Variants in ZNF804B observed in about 807,000 individuals in gnomAD.
The protein encoded by ZNF804B is zinc finger protein 804B, also known as zinc finger 804B.
Under a neutral mutation model 101.4 loss-of-function variants are expected in ZNF804B, and 80 were observed. The observed-to-expected ratio is 0.79, with a 90% confidence interval of 0.66 to 0.95. The LOEUF is 0.95. ZNF804B is among the 40% of genes least tolerant of loss of function. The pLI, the probability that ZNF804B is intolerant of heterozygous loss-of-function variation, is 0.00. For synonymous variants in ZNF804B, 622 were observed against 558.8 expected (o/e 1.11, Z -1.59); for missense variants, 1,673 against 1,561.9 (o/e 1.07, Z -1.20).
intron 1 of ZNF804B, among the ~76,000 whole-genome samples, chr7:88,773,857 A>G (rs573500962): frequency 6.6e-6 from 1 of 152,222 alleles, no homozygotes; most frequent in African/African-American, 2.4e-5. Context: ...CTGAGAACTC[A>G]TATCATGAGG....
At chr7:88,919,987 G>T (rs371904247) in intron 1 of ZNF804B, among the ~76,000 whole-genome samples, 2 of 152,018 alleles carry the variant, frequency 1.3e-5, no homozygotes, top group African/African-American at 4.8e-5. Context: ...TGCATATTAC[G>T]AGGGAGGCTT....
chr7:88,794,817 T>C (rs773044004), intron 1 of ZNF804B: 3 of 1,613,804 alleles, frequency 1.9e-6, no homozygotes, highest in African/African-American at 1.3e-5. Context: ...GGAATTTCTT[T>C]AGGTGTAGTC....
chr7:89,104,916 C>T (rs555695558), intron 1 of ZNF804B, among the ~76,000 whole-genome samples: 40 of 152,148 alleles, frequency 2.6e-4, no homozygotes, highest in South Asian at 8.3e-4. Flanking sequence ...CCTGAGTCAA[C>T]GCAAACATGT....
chr7:89,287,560 A>C (rs1790224311), intron 2 of ZNF804B, among the ~76,000 whole-genome samples: 1 of 152,174 alleles, frequency 6.6e-6, no homozygotes, highest in Non-Finnish European at 1.5e-5. Flanking sequence ...TAACGGATAA[A>C]CTATTTGTTG....
At chr7:89,255,307 A>T (rs1457218743) in intron 2 of ZNF804B, among the ~76,000 whole-genome samples, 2 of 152,182 alleles carry the variant, frequency 1.3e-5, no homozygotes, top group East Asian at 3.9e-4. Flanking sequence ...CCTGCCCTTG[A>T]CACATGGGGA....
intron 1 of ZNF804B, among the ~76,000 whole-genome samples, chr7:89,036,274 A>C (rs1788926235): frequency 6.6e-6 from 1 of 151,592 alleles, no homozygotes; most frequent in Admixed American, 6.6e-5. Context: ...AAAAGAGAAA[A>C]GAATATTACC....
chr7:88,899,121 TG>T (rs1702408839), intron 1 of ZNF804B, among the ~76,000 whole-genome samples: 1 of 152,144 alleles, frequency 6.6e-6, no homozygotes, highest in East Asian at 1.9e-4. Context: ...TTCTGATATT[TG>T]ATCAGTGTAA....
chr7:88,762,295 A>C (rs1397406996), intron 1 of ZNF804B, among the ~76,000 whole-genome samples: 1 of 152,166 alleles, frequency 6.6e-6, no homozygotes, highest in Admixed American at 6.5e-5. Flanking sequence ...ATAGTTTCTC[A>C]TGTGAGCTGG....
intron 2 of ZNF804B, among the ~76,000 whole-genome samples, chr7:89,296,901 T>C (rs1790392699): frequency 6.6e-6 from 1 of 152,094 alleles, no homozygotes; most frequent in Admixed American, 6.6e-5. Flanking sequence ...GGTTTTCATG[T>C]CAACTATTTT....
intron 1 of ZNF804B, among the ~76,000 whole-genome samples, chr7:88,770,592 T>G (rs1790047636): frequency 1.3e-5 from 2 of 152,370 alleles, no homozygotes; most frequent in South Asian, 4.1e-4. Flanking sequence ...TCACTCAACC[T>G]TAACATGGAT....
intron 1 of ZNF804B, among the ~76,000 whole-genome samples, chr7:88,763,967 T>C: frequency 6.6e-6 from 1 of 152,192 alleles, no homozygotes; most frequent in East Asian, 1.9e-4. Context: ...TAATTAAATT[T>C]AATAACTTAA....
At chr7:89,148,278 C>T (rs1160568719) in intron 1 of ZNF804B, among the ~76,000 whole-genome samples, 2 of 152,046 alleles carry the variant, frequency 1.3e-5, no homozygotes, top group Non-Finnish European at 2.9e-5. Context: ...ACACATAGTA[C>T]TCTTCCAAAA....
At chr7:88,768,448 T>G (rs1403877182) in intron 1 of ZNF804B, among the ~76,000 whole-genome samples, 1 of 152,204 alleles carries the variant, frequency 6.6e-6, no homozygotes, top group Non-Finnish European at 1.5e-5. Context: ...CTAGGCGCAG[T>G]GGCTCACGCC....
chr7:89,267,073 T>A (rs557461495), intron 2 of ZNF804B, among the ~76,000 whole-genome samples: 123 of 152,314 alleles, frequency 8.1e-4, no homozygotes, highest in African/African-American at 3.0e-3. Context: ...ACCAACTGGT[T>A]ATTTTATCAT....
rs1390016761 is a variant in ZNF804B at position 89,279,192 on chromosome 7, C to T, written c.250-48152C>T. Among the ~76,000 whole-genome samples, 567 of 152,126 alleles carry T rather than the reference C, an allele frequency of 3.7e-3. 3 individuals are homozygous for T. The highest frequency in any genetic ancestry group is 0.013 in the African/African-American group (545 of 41,478). On this transcript the variant is annotated intron_variant, in intron 2 of 3. Coordinates refer to ENST00000333190, the MANE Select transcript of ZNF804B (RefSeq NM_181646.5). Reference sequence around the variant, plus strand: ...TATAAGAATGCTTGTGATTTTTGCACATTGATTTTGTATCCTGAGACTTTG... The same window carrying T: ...TATAAGAATGCTTGTGATTTTTGCATATTGATTTTGTATCCTGAGACTTTG...
intron 2 of ZNF804B, among the ~76,000 whole-genome samples, chr7:89,316,827 GA>G (rs2115958247): frequency 6.6e-6 from 1 of 151,928 alleles, no homozygotes; most frequent in Admixed American, 6.6e-5. Context: ...GAGCAGCACG[GA>G]GGCATGAAAA....
Position 88,996,307 on chromosome 7 carries a change from A to G in ZNF804B, c.109-221848A>G, listed in dbSNP as rs185138079. Among the ~76,000 whole-genome samples, 558 of 152,252 alleles carry G rather than the reference A, an allele frequency of 3.7e-3. 16 individuals are homozygous for G. Among genetic ancestry groups the G allele is most frequent in the Admixed American group, 0.031 (477 of 15,268 alleles). ...CCTATGTTATATATTTCTGCCTAAA[A>G]TAACTTGTACCATACAAAGTTAAAT... On this transcript the variant is annotated intron_variant, in intron 1 of 3. Coordinates refer to ENST00000333190, the MANE Select transcript of ZNF804B (RefSeq NM_181646.5).
At chr7:88,785,786 A>G (rs1790293277) in intron 1 of ZNF804B, among the ~76,000 whole-genome samples, 1 of 152,096 alleles carries the variant, frequency 6.6e-6, no homozygotes, top group Non-Finnish European at 1.5e-5. Context: ...AGATAAGTAC[A>G]TAAAATCTCC....
At chr7:89,161,582 T>C (rs990434202) in intron 1 of ZNF804B, among the ~76,000 whole-genome samples, 3 of 151,836 alleles carry the variant, frequency 2.0e-5, no homozygotes, top group African/African-American at 7.3e-5. Context: ...AGAGATGGGG[T>C]TTCATTATGT....
Sources: gnomAD v4.1 joint callset for allele counts (sites outside exome capture counted in the v4.1 genomes callset) on GRCh38, gnomAD v4.1.1 for gene constraint, MANE v1.5 for transcripts, NCBI Gene and HGNC (gene_info 2026-07-23, HGNC 2026-07-21) for gene names.